Variants in BTBD10 observed in about 807,000 individuals in gnomAD.
The protein encoded by BTBD10 is BTB/POZ domain-containing protein 10.
BTBD10 carries 21 observed loss-of-function variants against 53.2 expected under a neutral mutation model. The observed-to-expected ratio is 0.39, with a 90% CI of 0.28 to 0.57. The LOEUF (loss-of-function observed/expected upper bound fraction) is 0.57. BTBD10 is among the 20% of genes least tolerant of loss of function. The probability of loss-of-function intolerance (pLI) is 0.53; values close to 1 mark genes in which losing one functional copy is unlikely to be tolerated. For synonymous variants in BTBD10, 149 were observed against 192.7 expected, an observed-to-expected ratio of 0.77 and a Z score of 1.88; for missense variants, 360 against 594.7, an observed-to-expected ratio of 0.61 and a Z score of 4.10.
chr11:13,418,751 C>A (rs1950178511), intron 4 of BTBD10, among the ~76,000 whole-genome samples: 1 of 151,836 alleles, frequency 6.6e-6, no homozygotes, highest in South Asian at 2.1e-4. Flanking sequence ...TATTTCATGC[C>A]CATGCCCTTT....
At chr11:13,453,173 TAGATAC>T (rs1227755741) in intron 1 of BTBD10, among the ~76,000 whole-genome samples, 2 of 152,024 alleles carry the variant, frequency 1.3e-5, no homozygotes, top group Non-Finnish European at 2.9e-5. Flanking sequence ...ATAAGATATA[TAGATAC>T]AGATACAGAA....
At chr11:13,414,844 GAA>G (rs71041526) in intron 5 of BTBD10, among the ~76,000 whole-genome samples, 84 of 85,130 alleles carry the variant, frequency 9.9e-4, no homozygotes, top group South Asian at 5.5e-3. Context: ...CATCTCAAAC[GAA>G]AAAAAAAAAA....
intron 2 of BTBD10, among the ~76,000 whole-genome samples, chr11:13,425,523 G>A (rs770632899): frequency 1.3e-5 from 2 of 151,978 alleles, no homozygotes; most frequent in African/African-American, 2.4e-5. Flanking sequence ...ACGTTAGAAT[G>A]AGAAATAAAA....
At chr11:13,434,361 G>A (rs1790723671) in intron 2 of BTBD10, among the ~76,000 whole-genome samples, 1 of 152,112 alleles carries the variant, frequency 6.6e-6, no homozygotes, top group Non-Finnish European at 1.5e-5. Flanking sequence ...CTCTCTGAGG[G>A]GGAAGTGTCT....
chr11:13,460,556 G>C (rs2134070544), intron 1 of BTBD10, among the ~76,000 whole-genome samples: 1 of 152,212 alleles, frequency 6.6e-6, no homozygotes, highest in Non-Finnish European at 1.5e-5. Flanking sequence ...TATGTATAAG[G>C]CACTAAGTTT....
At chr11:13,433,642 G>C (rs1950494488) in intron 2 of BTBD10, among the ~76,000 whole-genome samples, 1 of 152,096 alleles carries the variant, frequency 6.6e-6, no homozygotes, top group African/African-American at 2.4e-5. Flanking sequence ...CCCATTGCCT[G>C]ATTTTGTAAA....
intron 8 of BTBD10, among the ~76,000 whole-genome samples, chr11:13,401,204 A>G (rs145377218): frequency 2.0e-5 from 3 of 151,784 alleles, no homozygotes; most frequent in East Asian, 3.9e-4. Flanking sequence ...TGAGGTTAAT[A>G]GTAACTAGTA....
chr11:13,419,882 G>A, intron 3 of BTBD10, 137 bp from the exon 4 acceptor site: 1 of 899,364 alleles, frequency 1.1e-6, no homozygotes, highest in Non-Finnish European at 1.6e-6. Context: ...CAAATAAGAT[G>A]TTAACAGAAC....
chr11:13,405,945 A>G, intron 6 of BTBD10, 89 bp from the exon 7 acceptor site: 1 of 1,293,358 alleles, frequency 7.7e-7, no homozygotes, highest in Non-Finnish European at 1.1e-6. Context: ...AAGAAAGGCC[A>G]GGCAGCCTAC....
At chr11:13,458,631 T>C (rs1175750517) in intron 1 of BTBD10, among the ~76,000 whole-genome samples, 1 of 152,230 alleles carries the variant, frequency 6.6e-6, no homozygotes, top group African/African-American at 2.4e-5. Context: ...GGAGTATTAA[T>C]GGTTTTAAAG....
At chr11:13,398,532 G>C (rs1949622171) in intron 8 of BTBD10, among the ~76,000 whole-genome samples, 1 of 152,118 alleles carries the variant, frequency 6.6e-6, no homozygotes, top group East Asian at 1.9e-4. Context: ...AGAGCATTTA[G>C]CCCATTTACA....
chr11:13,456,230 AT>A (rs1458203318), intron 1 of BTBD10, among the ~76,000 whole-genome samples: 2 of 152,332 alleles, frequency 1.3e-5, no homozygotes, highest in Non-Finnish European at 2.9e-5. Context: ...TGGTGCATGA[AT>A]AGACAAACCA....
At chr11:13,455,704 C>T (rs893316030) in intron 1 of BTBD10, among the ~76,000 whole-genome samples, 2 of 152,196 alleles carry the variant, frequency 1.3e-5, no homozygotes, top group African/African-American at 4.8e-5. Flanking sequence ...ACAGGCAATG[C>T]TCCTGAAGCT....
At chr11:13,410,244 G>A (rs1949910386) in intron 6 of BTBD10, among the ~76,000 whole-genome samples, 1 of 152,138 alleles carries the variant, frequency 6.6e-6, no homozygotes, top group South Asian at 2.1e-4. Context: ...CCACAGTGAT[G>A]AATAGCACCA....
At chr11:13,409,275 C>T (rs934633892) in intron 6 of BTBD10, among the ~76,000 whole-genome samples, 2 of 152,188 alleles carry the variant, frequency 1.3e-5, no homozygotes. Flanking sequence ...TCTCTGGCTC[C>T]TCTAAGTAAC....
intron 2 of BTBD10, among the ~76,000 whole-genome samples, chr11:13,443,541 C>CAT (rs2134028617): frequency 6.6e-6 from 1 of 151,818 alleles, no homozygotes; most frequent in East Asian, 1.9e-4. Flanking sequence ...AAAAAATACA[C>CAT]ATATATATAA....
At chr11:13,440,326 T>C (rs557327282) in intron 2 of BTBD10, 2 of 1,091,874 alleles carry the variant, frequency 1.8e-6, no homozygotes, top group African/African-American at 1.7e-5. Flanking sequence ...TGATTGGATA[T>C]TGTAATTGAT....
intron 1 of BTBD10, among the ~76,000 whole-genome samples, chr11:13,458,175 T>C (rs918856167): frequency 1.7e-4 from 26 of 150,928 alleles, no homozygotes; most frequent in Non-Finnish European, 5.9e-5. Context: ...CAGTCTACTG[T>C]TAAATAATAT....
At position 13,388,661 on chromosome 11, in the gene BTBD10, A is replaced by T. The variant is rs923596398; in HGVS notation, c.*170T>A. 1.3e-4 allele frequency: 81 copies of T among 617,000 alleles called. No homozygotes were observed. The highest frequency in any genetic ancestry group is 1.8e-4 in the Non-Finnish European group (67 of 376,332). The allele number at this position is 617,000 out of a possible 1,614,324, so 38.2% of individuals were successfully genotyped here. On this transcript the variant is annotated 3_prime_UTR_variant, in exon 9 of 9. Transcript: ENST00000278174. ...CAAAATGCTAGAGTTGTACTCATTTAAAAAAAAACCATTCAGCTACCTTTG... is the reference window on the plus strand; with the variant it reads ...CAAAATGCTAGAGTTGTACTCATTTTAAAAAAAACCATTCAGCTACCTTTG...
Sources: gnomAD v4.1 joint callset for allele counts (sites outside exome capture counted in the v4.1 genomes callset) on GRCh38, gnomAD v4.1.1 for gene constraint, MANE v1.5 for transcripts, NCBI Gene and HGNC (gene_info 2026-07-23, HGNC 2026-07-21) for gene names.